CNTN5: variants seen among roughly 807,000 people sequenced by gnomAD.
The protein encoded by CNTN5 is contactin-5.
A neutral mutation model predicts 129.1 loss-of-function variants in CNTN5; 77 were observed. The observed-to-expected ratio is 0.60, with a 90% CI of 0.50 to 0.72. The LOEUF is 0.72. Among genes scored for constraint, CNTN5 ranks in the 30% least tolerant of loss-of-function variants. The probability of loss-of-function intolerance (pLI) is 0.00; values close to 1 mark genes in which losing one functional copy is unlikely to be tolerated. For synonymous variants in CNTN5, 509 were observed against 465.6 expected (o/e 1.09, Z -1.20); for missense variants, 1,478 against 1,328.8 (o/e 1.11, Z -1.75).
At chr11:100,257,003 G>A (rs1950085414) in intron 17 of CNTN5, among the ~76,000 whole-genome samples, 1 of 152,134 alleles carries the variant, frequency 6.6e-6, no homozygotes, top group East Asian at 1.9e-4. Context: ...AAGTGGTCTA[G>A]CTCAGCAGAT....
At chr11:99,278,791 A>T (rs941286724) in intron 1 of CNTN5, among the ~76,000 whole-genome samples, 1 of 151,732 alleles carries the variant, frequency 6.6e-6, no homozygotes, top group African/African-American at 2.4e-5. Flanking sequence ...GTATAATTTT[A>T]TGTAGTAATC....
At chr11:100,198,205 G>GA (rs1418600983) in intron 15 of CNTN5, among the ~76,000 whole-genome samples, 1 of 151,882 alleles carries the variant, frequency 6.6e-6, no homozygotes, top group Non-Finnish European at 1.5e-5. Flanking sequence ...TAAACATAAA[G>GA]ATAATGCAAG....
chr11:99,195,474 G>T (rs866636822), intron 1 of CNTN5, among the ~76,000 whole-genome samples: 2 of 151,876 alleles, frequency 1.3e-5, no homozygotes, highest in African/African-American at 4.8e-5. Flanking sequence ...ACATTAAAGC[G>T]CTCCTTTATA....
intron 9 of CNTN5, among the ~76,000 whole-genome samples, chr11:100,037,633 C>T (rs1468104734): frequency 6.6e-6 from 1 of 152,256 alleles, no homozygotes; most frequent in Non-Finnish European, 1.5e-5. Flanking sequence ...TTGATTATTG[C>T]CACAATTTCA....
chr11:99,374,783 C>G (rs1176961572), intron 2 of CNTN5, among the ~76,000 whole-genome samples: 1 of 152,102 alleles, frequency 6.6e-6, no homozygotes, highest in Non-Finnish European at 1.5e-5. Flanking sequence ...TTTGTGACCT[C>G]CAGACTTAGA....
At chr11:99,563,959 A>G (rs530095425) in intron 3 of CNTN5, among the ~76,000 whole-genome samples, 3 of 152,354 alleles carry the variant, frequency 2.0e-5, no homozygotes, top group South Asian at 4.1e-4. Context: ...TAGCTGCAAA[A>G]GCACATTATA....
At chr11:99,625,918 A>C (rs1450291685) in intron 3 of CNTN5, among the ~76,000 whole-genome samples, 1 of 11,768 alleles carries the variant, frequency 8.5e-5, no homozygotes, top group African/African-American at 2.3e-4. Flanking sequence ...ATATATATAT[A>C]TATATACACA....
At chr11:99,827,731 A>G (rs1591267125) in intron 4 of CNTN5, among the ~76,000 whole-genome samples, 1 of 152,226 alleles carries the variant, frequency 6.6e-6, no homozygotes, top group East Asian at 1.9e-4. Flanking sequence ...GATTGGCTCT[A>G]AAAAGTAGCT....
At chr11:99,599,513 T>C (rs953347046) in intron 3 of CNTN5, among the ~76,000 whole-genome samples, 1 of 152,208 alleles carries the variant, frequency 6.6e-6, no homozygotes. Flanking sequence ...ATTTCGGTGT[T>C]ATTTCCAAAT....
rs569336398 is a variant in CNTN5 at position 99,391,627 on chromosome 11, C to T, written c.-71+66143C>T. On this transcript the variant is annotated intron_variant, in intron 2 of 24. Coordinates refer to ENST00000524871, the MANE Select transcript of CNTN5 (RefSeq NM_014361.4). ...AATGGCCGGAAGGAAAATTATTATC[C>T]ACAATTCATAATATAGAAAGGTGAA... Among the ~76,000 whole-genome samples the T allele has an allele frequency of 2.0e-4, 31 of 152,068 alleles. No homozygotes were observed. In the East Asian group the frequency reaches 4.8e-3, roughly 24 times the overall value.
chr11:99,732,954 A>AT (rs2135109057), intron 3 of CNTN5, among the ~76,000 whole-genome samples: 1 of 152,310 alleles, frequency 6.6e-6, no homozygotes, highest in East Asian at 1.9e-4. Context: ...TGTGTCAGGC[A>AT]TAAAAAAAGC....
chr11:99,269,196 T>A (rs1055379626), intron 1 of CNTN5, among the ~76,000 whole-genome samples: 2 of 151,966 alleles, frequency 1.3e-5, no homozygotes, highest in African/African-American at 4.8e-5. Flanking sequence ...ACTCGTTAAG[T>A]GCCCTTTGTT....
intron 1 of CNTN5, among the ~76,000 whole-genome samples, chr11:99,117,483 C>G (rs1317560245): frequency 6.6e-6 from 1 of 152,092 alleles, no homozygotes; most frequent in African/African-American, 2.4e-5. Flanking sequence ...AGTACACCTT[C>G]TTTTGTGCAA....
intron 15 of CNTN5, among the ~76,000 whole-genome samples, chr11:100,223,277 C>G (rs1378983564): frequency 6.6e-6 from 1 of 151,986 alleles, no homozygotes; most frequent in Non-Finnish European, 1.5e-5. Flanking sequence ...TCAATACCCT[C>G]AGAAGTTCAG....
intron 16 of CNTN5, among the ~76,000 whole-genome samples, chr11:100,240,219 A>ACCCCCCCCCCCCC (rs1468030423): frequency 6.7e-6 from 1 of 149,702 alleles, no homozygotes; most frequent in African/African-American, 2.5e-5. Context: ...AATTATCAAC[A>ACCCCCCCCCCCCC]CCCCGCCCCA....
intron 18 of CNTN5, among the ~76,000 whole-genome samples, chr11:100,282,823 C>G (rs1392002805): frequency 1.3e-5 from 2 of 152,206 alleles, no homozygotes; most frequent in African/African-American, 4.8e-5. Context: ...CCATTCTTCC[C>G]TCTCCTTTCC....
chr11:99,626,297 C>A (rs1790260), intron 3 of CNTN5, among the ~76,000 whole-genome samples: 92,890 of 151,876 alleles, frequency 0.61, 29,290 homozygotes, highest in Admixed American at 0.74. Context: ...TCAGTGCCTC[C>A]GACTTGGTAA....
At chr11:99,042,254 G>A (rs1466820101) in intron 1 of CNTN5, among the ~76,000 whole-genome samples, 1 of 150,048 alleles carries the variant, frequency 6.7e-6, no homozygotes, top group Non-Finnish European at 1.5e-5. Flanking sequence ...TACATGTGCA[G>A]AAATACCTAA....
chr11:99,179,296 G>C (rs1484843303), intron 1 of CNTN5, among the ~76,000 whole-genome samples: 2 of 151,886 alleles, frequency 1.3e-5, no homozygotes, highest in African/African-American at 4.8e-5. Context: ...ACAAAAATTA[G>C]CCGGGCAAAG....
Sources: allele counts gnomAD v4.1 joint callset (sites outside exome capture counted in the v4.1 genomes callset), GRCh38; gene constraint gnomAD v4.1.1; transcripts MANE v1.5; gene names NCBI Gene and HGNC (gene_info 2026-07-23, HGNC 2026-07-21).